CALD1: variants seen among roughly 807,000 people sequenced by gnomAD.
The protein encoded by CALD1 is caldesmon 1, also known as caldesmon.
CALD1 carries 33 observed loss-of-function variants against 99.9 expected under a neutral mutation model. The observed-to-expected ratio is 0.33, with a 90% CI of 0.25 to 0.44. CALD1 has a LOEUF of 0.44. CALD1 is among the 20% of genes least tolerant of loss of function. CALD1 has a pLI of 1.00. For synonymous variants in CALD1, 310 were observed against 325.0 expected, an observed-to-expected ratio of 0.95 and a Z score of 0.50; for missense variants, 861 against 962.1, an observed-to-expected ratio of 0.89 and a Z score of 1.39.
intron 3 of CALD1, among the ~76,000 whole-genome samples, chr7:134,919,930 T>TG (rs1315089443): frequency 6.6e-6 from 1 of 152,232 alleles, no homozygotes; most frequent in Admixed American, 6.5e-5. Context: ...TTTATTTTCT[T>TG]GATTTTTTTT....
At chr7:134,899,012 T>C (rs1031148410) in intron 3 of CALD1, among the ~76,000 whole-genome samples, 5 of 152,200 alleles carry the variant, frequency 3.3e-5, no homozygotes, top group Non-Finnish European at 7.3e-5. Flanking sequence ...CACTTTTTAT[T>C]AAAAGCAACT....
chr7:134,792,095 C>T (rs1044166859), intron 1 of CALD1, among the ~76,000 whole-genome samples: 1 of 152,144 alleles, frequency 6.6e-6, no homozygotes, highest in African/African-American at 2.4e-5. Flanking sequence ...GATGCCACAA[C>T]AAAATGCACA....
In CALD1 at chr7:134,958,285, A is replaced by T. The variant is rs371916134; in HGVS notation, c.2056A>T (p.Ile686Phe). Residue 686 changes from isoleucine (I) to phenylalanine (F), a missense_variant, in exon 11 of 15, where the codon ATT becomes TTT. Physicochemically the swap from Ile to Phe is conservative, Grantham distance 21. Around this residue, in one of 5 missense-constraint regions of CALD1, gnomAD observed 190 missense variants for 249.0 expected, o/e 0.76. Coordinates refer to ENST00000361675, the MANE Select transcript of CALD1 (RefSeq NM_033138.4). ...DSRLEQYTSA[I>F]EGTKSAKPTK... ...CAGACTGGAGCAGTATACCAGTGCAATTGAGGTGAGAATTGTCCTCAGCGT... is the reference window on the plus strand; with the variant it reads ...CAGACTGGAGCAGTATACCAGTGCATTTGAGGTGAGAATTGTCCTCAGCGT... 1.9e-6 allele frequency: 3 copies of T among 1,612,942 alleles called. No individual in the cohort carries two copies. The African/African-American group carries it at 4.0e-5, about 22-fold the overall frequency.
intron 3 of CALD1, among the ~76,000 whole-genome samples, chr7:134,917,081 C>T (rs1804262544): frequency 6.6e-6 from 1 of 152,186 alleles, no homozygotes; most frequent in Non-Finnish European, 1.5e-5. Flanking sequence ...AGTTGCATAT[C>T]CAGATCTAGA....
intron 3 of CALD1, among the ~76,000 whole-genome samples, chr7:134,922,290 T>G (rs1405003984): frequency 6.6e-6 from 1 of 152,206 alleles, no homozygotes; most frequent in Admixed American, 6.5e-5. Flanking sequence ...ACCCTCCCCA[T>G]AAAAATGTCT....
intron 1 of CALD1, among the ~76,000 whole-genome samples, chr7:134,788,931 C>T (rs1797411564): frequency 6.7e-6 from 1 of 149,826 alleles, no homozygotes; most frequent in Admixed American, 6.7e-5. Flanking sequence ...GGGAGGATCA[C>T]ATGAGCTTGG....
chr7:134,722,202 A>T, the CALD1 span, among the ~76,000 whole-genome samples: 1 of 152,288 alleles, frequency 6.6e-6, no homozygotes, highest in Non-Finnish European at 1.5e-5. Flanking sequence ...AGCCACAAAG[A>T]TGACTTTGGA....
At chr7:134,964,231 G>C (rs1328206801) in intron 13 of CALD1, among the ~76,000 whole-genome samples, 1 of 152,092 alleles carries the variant, frequency 6.6e-6, no homozygotes, top group Admixed American at 6.6e-5. Flanking sequence ...GACTTTGTTT[G>C]GGCTGCCCGG....
At chr7:134,797,541 G>C (rs1797790613) in intron 1 of CALD1, among the ~76,000 whole-genome samples, 2 of 152,182 alleles carry the variant, frequency 1.3e-5, no homozygotes, top group Non-Finnish European at 1.5e-5. Flanking sequence ...TTTGACCCCA[G>C]CAACTGTGCT....
At position 134,947,553 on chromosome 7, in the gene CALD1, C is replaced by T. The variant is rs775103838; in HGVS notation, c.1578C>T (p.Gly526=). 11 of 1,563,544 alleles carry T rather than the reference C, an allele frequency of 7.0e-6. No individual in the cohort carries two copies. The highest frequency in any genetic ancestry group is 1.7e-4 in the Middle Eastern group (1 of 5,828). ...RASVDTKEAE[G]APQVEAGKRL... Reference sequence around the variant, plus strand: ...GCGTGGACACCAAGGAGGCTGAGGGCGCCCCCCAGGTGGAAGCCGGCAAAA... The same window carrying T: ...GCGTGGACACCAAGGAGGCTGAGGGTGCCCCCCAGGTGGAAGCCGGCAAAA... Residue 526 remains glycine (G), a synonymous_variant, in exon 8 of 15, where the codon GGC becomes GGT. Coordinates refer to ENST00000361675, the MANE Select transcript of CALD1 (RefSeq NM_033138.4).
chr7:134,965,473 T>C lies in CALD1; in HGVS notation c.2376+87T>C, dbSNP rs1563140089. 4 of 760,372 alleles carry C rather than the reference T, an allele frequency of 5.3e-6. No individual in the cohort carries two copies. The East Asian group carries it at 9.9e-5, about 19-fold the overall frequency. 47.1% of individuals were successfully genotyped at this position (760,372 alleles called of 1,614,324 possible). A position where few individuals can be genotyped will look rare whatever the true frequency, so the allele number is the denominator to read the frequency against. On this transcript the variant is annotated intron_variant, in intron 14 of 14. Transcript: ENST00000361675. Reference sequence around the variant, plus strand: ...ATGTCCTGGAGTCAGATGAGAAATATCACTGACCTACAGATCTTTGCCTGC... The same window carrying C: ...ATGTCCTGGAGTCAGATGAGAAATACCACTGACCTACAGATCTTTGCCTGC...
At chr7:134,895,346 G>A (rs1802498235) in intron 3 of CALD1, among the ~76,000 whole-genome samples, 1 of 147,454 alleles carries the variant, frequency 6.8e-6, no homozygotes, top group Admixed American at 6.8e-5. Flanking sequence ...GTGTGTGTAT[G>A]TATTTAGTGG....
rs142733426 is a variant in CALD1, at chr7:134,758,294, G to A, written c.-130+13931G>A. ...TTGAACCATCTCATTTTAGAACTGG[G>A]ATGACTGCCTGTTGACTCTAGTATA... On this transcript the variant is annotated intron_variant, in intron 1 of 13. Transcript: ENST00000417172. 2.2e-4 allele frequency among the ~76,000 whole-genome samples: 34 copies of A among 152,266 alleles called. No homozygotes were observed. The East Asian group carries it at 5.6e-3, about 25-fold the overall frequency.
chr7:134,942,385 T>A (rs1167890493), intron 7 of CALD1, among the ~76,000 whole-genome samples: 1 of 148,806 alleles, frequency 6.7e-6, no homozygotes, highest in African/African-American at 2.6e-5. Context: ...CCCAAAACAA[T>A]TTTTTTGTAC....
At chr7:134,869,436 T>A (rs760243409) in intron 3 of CALD1, among the ~76,000 whole-genome samples, 1 of 152,140 alleles carries the variant, frequency 6.6e-6, no homozygotes, top group East Asian at 1.9e-4. Context: ...ATACCAGCAC[T>A]GGAAGAGATA....
chr7:134,744,721 C>G (rs1796620375), intron 1 of CALD1, among the ~76,000 whole-genome samples: 1 of 152,062 alleles, frequency 6.6e-6, no homozygotes, highest in Non-Finnish European at 1.5e-5. Context: ...GCAAGTCGTT[C>G]CCTAGAGGAG....
intron 4 of CALD1, 125 bp from the exon 5 acceptor site, chr7:134,932,863 C>A: frequency 1.6e-6 from 1 of 611,314 alleles, no homozygotes; most frequent in Non-Finnish European, 2.8e-6. Flanking sequence ...TGGTAACGTA[C>A]TGGGGATATG....
At chr7:134,968,268 T>C in intron 14 of CALD1, 72 bp from the exon 15 acceptor site, 1 of 1,314,070 alleles carries the variant, frequency 7.6e-7, no homozygotes, top group Non-Finnish European at 1.1e-6. Flanking sequence ...ATAAAAACCA[T>C]CTGCCTGAAA....
chr7:134,950,096 A>G (rs1397928933), intron 8 of CALD1, among the ~76,000 whole-genome samples: 1 of 152,218 alleles, frequency 6.6e-6, no homozygotes, highest in South Asian at 2.1e-4. Context: ...AATGAGTACT[A>G]TTGTTATCCC....
Sources: gnomAD v4.1 joint callset for allele counts (sites outside exome capture counted in the v4.1 genomes callset) on GRCh38, gnomAD v4.1.1 for gene constraint, gnomAD v4.1.1 regional missense constraint, MANE v1.5 for transcripts, NCBI Gene and HGNC (gene_info 2026-07-23, HGNC 2026-07-21) for gene names.